The following SORCS1 variants were observed in gnomAD, a reference collection of about 807,000 sequenced individuals.
SORCS1 encodes VPS10 domain-containing receptor SorCS1.
Under a neutral mutation model 146.1 loss-of-function variants are expected in SORCS1, and 60 were observed. The observed-to-expected ratio is 0.41, with a 90% CI of 0.33 to 0.51. The LOEUF (loss-of-function observed/expected upper bound fraction) is 0.51, where lower values mean the gene tolerates loss of function less well. Ranked by LOEUF, SORCS1 falls within the 20% of genes least tolerant of loss-of-function variation. The pLI, the probability that SORCS1 is intolerant of heterozygous loss-of-function variation, is 0.21. For synonymous variants in SORCS1, 637 were observed against 584.0 expected, an observed-to-expected ratio of 1.09 and a Z score of -1.31; for missense variants, 1,352 against 1,487.6, an observed-to-expected ratio of 0.91 and a Z score of 1.50.
intron 2 of SORCS1, among the ~76,000 whole-genome samples, chr10:106,946,934 C>T (rs1415818426): frequency 6.6e-6 from 1 of 152,030 alleles, no homozygotes; most frequent in Non-Finnish European, 1.5e-5. Context: ...CATTATAAGT[C>T]AAAGATACAT....
intron 2 of SORCS1, among the ~76,000 whole-genome samples, chr10:106,864,945 C>T (rs1201078014): frequency 6.6e-6 from 1 of 151,090 alleles, no homozygotes; most frequent in Non-Finnish European, 1.5e-5. Context: ...GGTCTCCAGC[C>T]ACCCTCAGTG....
intron 1 of SORCS1, among the ~76,000 whole-genome samples, chr10:107,079,563 A>G (rs1963165853): frequency 6.6e-6 from 1 of 152,246 alleles, no homozygotes; most frequent in African/African-American, 2.4e-5. Context: ...TTGCCAGTGT[A>G]AGGCAAAGAG....
chr10:106,946,311 G>C (rs1463875767), intron 2 of SORCS1, among the ~76,000 whole-genome samples: 1 of 152,172 alleles, frequency 6.6e-6, no homozygotes, highest in African/African-American at 2.4e-5. Flanking sequence ...GGATTTCCAG[G>C]TTAGTATGTG....
chr10:106,921,140 G>A (rs905123096), intron 2 of SORCS1, among the ~76,000 whole-genome samples: 2 of 152,198 alleles, frequency 1.3e-5, no homozygotes, highest in African/African-American at 2.4e-5. Flanking sequence ...TCAGTCAAGT[G>A]TTATGTTCCA....
At position 106,717,930 on chromosome 10, in the gene SORCS1, G is replaced by T. The variant is rs12217300; in HGVS notation, c.1025-8589C>A. Among the ~76,000 whole-genome samples, 4 of 152,272 alleles carry T rather than the reference G, an allele frequency of 2.6e-5. No homozygotes were observed. The East Asian group carries it at 7.7e-4, about 29-fold the overall frequency. ...TGTGACTCTGAATTTATTTCACTTT[G>T]TATCACACAGAGCTGTGGACTTGTT... On this transcript the variant is annotated intron_variant, in intron 6 of 25. Transcript: ENST00000263054.
chr10:106,857,848 A>C (rs1006219660), intron 2 of SORCS1, among the ~76,000 whole-genome samples: 2 of 152,210 alleles, frequency 1.3e-5, no homozygotes, highest in African/African-American at 4.8e-5. Flanking sequence ...TCCATTTTTC[A>C]TAATACCTCA....
At chr10:107,045,129 T>C (rs991967518) in intron 1 of SORCS1, among the ~76,000 whole-genome samples, 2 of 152,180 alleles carry the variant, frequency 1.3e-5, no homozygotes, top group East Asian at 3.9e-4. Context: ...AGAGCTGGAC[T>C]TTATTCTGCA....
Position 106,730,030 on chromosome 10 carries a change from G to A in SORCS1, c.1024+20C>T, listed in dbSNP as rs764987931. On this transcript the variant is annotated intron_variant, in intron 6 of 25. Transcript: ENST00000263054. ...GAACTAATATTACTATGAGTATTGC[G>A]GCAAAGTTGATTTACTTACGACCAT... 3.0e-5 allele frequency: 49 copies of A among 1,613,342 alleles called. No homozygotes were observed. Among genetic ancestry groups the A allele is most frequent in the Non-Finnish European group, 3.8e-5 (45 of 1,179,504 alleles).
chr10:106,611,962 G>T lies in SORCS1; in HGVS notation c.2982C>A (p.Ile994=). ...SPNLDDYNPD[I]PEWRRDIGRV... is the part of the protein sequence containing the mutation. Reference sequence around the variant, plus strand: ...GACCGATGTCCCTCCTCCACTCAGGGATGTCCGGGTTGTAGTCATCCAGGT... The same window carrying T: ...GACCGATGTCCCTCCTCCACTCAGGTATGTCCGGGTTGTAGTCATCCAGGT... The change falls in exon 22 of 26, where the codon ATC becomes ATA. Residue 994 remains isoleucine (I), a synonymous_variant. Transcript: ENST00000263054. 1.2e-6 allele frequency: 2 copies of T among 1,614,130 alleles called. No individual in the cohort carries two copies. Among genetic ancestry groups the T allele is most frequent in the Non-Finnish European group, 1.7e-6 (2 of 1,180,012 alleles).
chr10:106,820,130 T>C (rs559100937), intron 3 of SORCS1, among the ~76,000 whole-genome samples: 2 of 152,246 alleles, frequency 1.3e-5, no homozygotes, highest in Admixed American at 1.3e-4. Flanking sequence ...ATTGTCATTT[T>C]CTCCACTATA....
chr10:107,059,864 A>C (rs993894900), intron 1 of SORCS1, among the ~76,000 whole-genome samples: 1 of 139,102 alleles, frequency 7.2e-6, no homozygotes, highest in Non-Finnish European at 1.6e-5. Flanking sequence ...TTGGATGTTA[A>C]AAACAAAAGT....
intron 1 of SORCS1, among the ~76,000 whole-genome samples, chr10:107,113,987 C>G (rs1965863292): frequency 6.6e-6 from 1 of 151,818 alleles, no homozygotes; most frequent in South Asian, 2.1e-4. Context: ...TACAAAAATA[C>G]AAAGGATCAT....
chr10:106,989,271 GAAA>G (rs1161174866), intron 1 of SORCS1, among the ~76,000 whole-genome samples: 59 of 75,666 alleles, frequency 7.8e-4, no homozygotes, highest in Middle Eastern at 6.8e-3. Flanking sequence ...CTCCACCTCA[GAAA>G]AAAAAAAAAA....
At chr10:106,699,183 G>A (rs931161470) in intron 9 of SORCS1, 31 bp downstream of exon 9, 3 of 1,575,028 alleles carry the variant, frequency 1.9e-6, no homozygotes, top group Admixed American at 1.8e-5. Flanking sequence ...GCACTGCTGT[G>A]GCTTAGGACC....
intron 1 of SORCS1, among the ~76,000 whole-genome samples, chr10:107,149,295 T>A (rs930363679): frequency 6.6e-6 from 1 of 152,328 alleles, no homozygotes; most frequent in African/African-American, 2.4e-5. Flanking sequence ...TTAGCGTACA[T>A]ACACTGTCTC....
chr10:107,176,799 T>A, the SORCS1 span, among the ~76,000 whole-genome samples: 248 of 152,322 alleles, frequency 1.6e-3, no homozygotes, highest in African/African-American at 5.8e-3. Flanking sequence ...TGAATTAATG[T>A]GTATTCTGTA....
intron 1 of SORCS1, among the ~76,000 whole-genome samples, chr10:107,048,481 A>C (rs7893944): frequency 0.24 from 36,034 of 152,210 alleles, 4,605 homozygotes; most frequent in Middle Eastern, 0.39. Flanking sequence ...CCAAAGTAGG[A>C]GGGCATTGTT....
intron 2 of SORCS1, among the ~76,000 whole-genome samples, chr10:106,838,071 A>T (rs1004307538): frequency 5.3e-5 from 8 of 152,102 alleles, no homozygotes; most frequent in Non-Finnish European, 2.9e-5. Context: ...TTTGCTTTTG[A>T]CTACTTGCTA....
intron 1 of SORCS1, among the ~76,000 whole-genome samples, chr10:107,044,720 G>A (rs1959220114): frequency 6.6e-6 from 1 of 150,698 alleles, no homozygotes; most frequent in Non-Finnish European, 1.5e-5. Flanking sequence ...CTACTCTGGA[G>A]GCTGAGGCAG....
Sources: gnomAD v4.1 joint callset for allele counts (sites outside exome capture counted in the v4.1 genomes callset) on GRCh38, gnomAD v4.1.1 for gene constraint, MANE v1.5 for transcripts, NCBI Gene and HGNC (gene_info 2026-07-23, HGNC 2026-07-21) for gene names.